The following SLC25A21 variants were observed in gnomAD, a reference collection of about 807,000 sequenced individuals.
SLC25A21 encodes the protein mitochondrial 2-oxodicarboxylate carrier.
In SLC25A21, 47 loss-of-function variants were observed where a neutral mutation model predicts 43.8. That is an observed-to-expected ratio of 1.07 (90% CI 0.85 to 1.37). The LOEUF (loss-of-function observed/expected upper bound fraction) is 1.37, where lower values mean the gene tolerates loss of function less well. Ranked by LOEUF, SLC25A21 falls within the 40% of genes most tolerant of loss-of-function variation. The pLI is 0.00. For missense variants in SLC25A21, 352 were observed against 350.2 expected (o/e 1.00, Z -0.04); for synonymous variants, 131 against 121.3 (o/e 1.08, Z -0.52).
chr14:36,820,411 G>A (rs956712740), intron 2 of SLC25A21, among the ~76,000 whole-genome samples: 2 of 152,144 alleles, frequency 1.3e-5, no homozygotes, highest in African/African-American at 2.4e-5. Context: ...CCAGCCCTAA[G>A]TGCCACTTTT....
intron 1 of SLC25A21, among the ~76,000 whole-genome samples, chr14:36,934,446 C>CT (rs1430211164): frequency 2.0e-5 from 3 of 148,152 alleles, no homozygotes; most frequent in Admixed American, 1.4e-4. Context: ...TACACTTAAC[C>CT]TGTGTCTGTT....
chr14:36,816,893 T>C lies in SLC25A21; in HGVS notation c.120-2892A>G, dbSNP rs8015626. 4.1e-4 allele frequency among the ~76,000 whole-genome samples: 62 copies of C among 152,286 alleles called. 1 individual carries two copies. Among genetic ancestry groups the C allele is most frequent in the African/African-American group, 1.5e-3 (61 of 41,558 alleles). On this transcript the variant is annotated intron_variant, in intron 2 of 9. Transcript: ENST00000331299. ...AATCTTCATTTCTGTATTTGCATATTTGTAACCTATATTCATTGTAGAGTA... is the reference window on the plus strand; with the variant it reads ...AATCTTCATTTCTGTATTTGCATATCTGTAACCTATATTCATTGTAGAGTA...
intron 1 of SLC25A21, among the ~76,000 whole-genome samples, chr14:37,119,913 AATGAT>A (rs772783637): frequency 2.2e-4 from 34 of 152,170 alleles, no homozygotes; most frequent in Non-Finnish European, 4.1e-4. Flanking sequence ...TAAAGGTGAA[AATGAT>A]ATGATATGAT....
At chr14:36,844,561 T>C (rs568953783) in intron 2 of SLC25A21, among the ~76,000 whole-genome samples, 8 of 152,334 alleles carry the variant, frequency 5.3e-5, no homozygotes, top group Admixed American at 4.6e-4. Context: ...TTTTACCTAA[T>C]GAGGCAGGAG....
At chr14:36,903,215 G>A (rs1260540679) in intron 1 of SLC25A21, among the ~76,000 whole-genome samples, 1 of 152,076 alleles carries the variant, frequency 6.6e-6, no homozygotes, top group Non-Finnish European at 1.5e-5. Flanking sequence ...ACAATGTCAT[G>A]AACAAGGAAC....
At chr14:36,765,100 G>A (rs1032389361) in intron 3 of SLC25A21, among the ~76,000 whole-genome samples, 1 of 152,194 alleles carries the variant, frequency 6.6e-6, no homozygotes, top group Non-Finnish European at 1.5e-5. Context: ...CTTGGCCCAG[G>A]CCTTATGCAG....
chr14:36,967,832 T>A (rs12887170), intron 1 of SLC25A21, among the ~76,000 whole-genome samples: 1 of 151,550 alleles, frequency 6.6e-6, no homozygotes, highest in Non-Finnish European at 1.5e-5. Context: ...CCACATGCAC[T>A]TGTGTGTGTG....
intron 1 of SLC25A21, among the ~76,000 whole-genome samples, chr14:36,898,897 T>C (rs967781797): frequency 6.6e-6 from 1 of 152,204 alleles, no homozygotes; most frequent in Non-Finnish European, 1.5e-5. Context: ...AACAAAATAT[T>C]GTATTCTTGA....
intron 2 of SLC25A21, among the ~76,000 whole-genome samples, chr14:36,817,772 T>C (rs1453464114): frequency 6.6e-6 from 1 of 152,146 alleles, no homozygotes; most frequent in Non-Finnish European, 1.5e-5. Context: ...TTCCTTCCCT[T>C]CTGTGGTCAG....
At chr14:36,702,750 G>A (rs1231013949) in intron 7 of SLC25A21, among the ~76,000 whole-genome samples, 3 of 152,130 alleles carry the variant, frequency 2.0e-5, no homozygotes, top group Non-Finnish European at 4.4e-5. Flanking sequence ...CCAACATACA[G>A]TAGATGCACC....
At chr14:36,739,079 A>C (rs975283483) in intron 3 of SLC25A21, among the ~76,000 whole-genome samples, 1 of 152,294 alleles carries the variant, frequency 6.6e-6, no homozygotes, top group Middle Eastern at 3.4e-3. Context: ...TTTTTTTAAA[A>C]CAACTATTTT....
At chr14:36,682,430 G>A (rs1594482878) in intron 9 of SLC25A21, among the ~76,000 whole-genome samples, 1 of 152,098 alleles carries the variant, frequency 6.6e-6, no homozygotes, top group African/African-American at 2.4e-5. Context: ...GACCTCTCAC[G>A]CAAAACATTT....
intron 1 of SLC25A21, among the ~76,000 whole-genome samples, chr14:37,040,522 A>C (rs1381419818): frequency 6.6e-6 from 1 of 152,010 alleles, no homozygotes; most frequent in African/African-American, 2.4e-5. Context: ...GAGCTGACGA[A>C]GCTAGTGAGA....
intron 1 of SLC25A21, among the ~76,000 whole-genome samples, chr14:36,970,725 G>A (rs753749139): frequency 3.3e-5 from 5 of 152,108 alleles, no homozygotes; most frequent in South Asian, 2.1e-4. Context: ...TGCATAGGTC[G>A]AGCCATGTGA....
rs540095206 is a variant in SLC25A21 at position 36,845,086 on chromosome 14, G to A, written c.119+29870C>T. Reference sequence around the variant, plus strand: ...TCTGCAAAAGTAACTTTCTTTCAACGCCATGTCAGAGTTGACCTACTGCCA... The same window carrying A: ...TCTGCAAAAGTAACTTTCTTTCAACACCATGTCAGAGTTGACCTACTGCCA... On this transcript the variant is annotated intron_variant, in intron 2 of 9. Transcript: ENST00000331299. Among the ~76,000 whole-genome samples the A allele has an allele frequency of 1.2e-4, 19 of 152,144 alleles. No individual in the cohort carries two copies. The South Asian group carries it at 3.5e-3, about 28-fold the overall frequency.
intron 3 of SLC25A21, among the ~76,000 whole-genome samples, chr14:36,788,298 G>A (rs915899249): frequency 1.3e-5 from 2 of 151,786 alleles, no homozygotes; most frequent in East Asian, 2.0e-4. Flanking sequence ...GGATTACTGA[G>A]CAAACAGAGC....
intron 2 of SLC25A21, among the ~76,000 whole-genome samples, chr14:36,824,454 C>G (rs1188451722): frequency 6.6e-6 from 1 of 152,076 alleles, no homozygotes; most frequent in African/African-American, 2.4e-5. Flanking sequence ...GGATCGAACC[C>G]CAAACTGACA....
intron 1 of SLC25A21, among the ~76,000 whole-genome samples, chr14:36,952,924 T>G (rs1892848986): frequency 6.6e-6 from 1 of 152,210 alleles, no homozygotes; most frequent in South Asian, 2.1e-4. Context: ...TACAGAGCAT[T>G]TAGATCTGGT....
chr14:36,739,674 C>T (rs552149862), intron 3 of SLC25A21, among the ~76,000 whole-genome samples: 2 of 117,876 alleles, frequency 1.7e-5, no homozygotes, highest in East Asian at 4.8e-4. Context: ...AAGACTCTGT[C>T]TAAAAAAAAA....
Sources: gnomAD v4.1 joint callset for allele counts (sites outside exome capture counted in the v4.1 genomes callset) on GRCh38, gnomAD v4.1.1 for gene constraint, MANE v1.5 for transcripts, NCBI Gene and HGNC (gene_info 2026-07-23, HGNC 2026-07-21) for gene names.